OGT: variants seen among roughly 807,000 people sequenced by gnomAD.
The protein encoded by OGT is UDP-N-acetylglucosamine--peptide N-acetylglucosaminyltransferase 110 kDa subunit.
A neutral mutation model predicts 75.8 loss-of-function variants in OGT; 3 were observed. The observed-to-expected ratio is 0.04, with a 90% confidence interval of 0.02 to 0.10. OGT has a LOEUF of 0.10. Ranked by LOEUF, OGT falls within the 10% of genes least tolerant of loss-of-function variation. The probability of loss-of-function intolerance (pLI) is 1.00; values close to 1 mark genes in which losing one functional copy is unlikely to be tolerated. For missense variants in OGT, 260 were observed against 824.4 expected, an observed-to-expected ratio of 0.32 and a Z score of 8.38; for synonymous variants, 257 against 289.7, an observed-to-expected ratio of 0.89 and a Z score of 1.15.
intron 5 of OGT, 113 bp downstream of exon 5, chrX:71,548,136 G>A (rs2040274959): frequency 1.3e-6 from 1 of 745,622 alleles, no homozygotes; most frequent in African/African-American, 2.1e-5. Context: ...TTTCTCTGGC[G>A]GTATAGGCAG....
intron 3 of OGT, among the ~76,000 whole-genome samples, chrX:71,543,812 CAA>C (rs1253400432): frequency 2.1e-5 from 2 of 94,585 alleles, no homozygotes; most frequent in African/African-American, 7.8e-5. Flanking sequence ...TTTTTTGAGA[CAA>C]GAGTCTCTGT....
chrX:71,563,116 A>AT lies in OGT; in HGVS notation c.2149-8dup, dbSNP rs1332812796. On this transcript the variant is annotated splice_polypyrimidine_tract_variant and intron_variant, in intron 16 of 21. Coordinates refer to ENST00000373719, the MANE Select transcript of OGT (RefSeq NM_181672.3). ...AATCCTAAAAGACATGTCTGAAACT[A>AT]TTTTTTCCATTAGAAAAAAGCAGTC... 5 of 1,199,798 alleles carry AT rather than the reference A, an allele frequency of 4.2e-6. No homozygotes were observed. Among genetic ancestry groups the AT allele is most frequent in the Non-Finnish European group, 5.6e-6 (5 of 885,087 alleles).
chrX:71,541,797 T>G (rs763365546), intron 3 of OGT, among the ~76,000 whole-genome samples: 4 of 109,468 alleles, frequency 3.7e-5, no homozygotes, highest in Non-Finnish European at 7.6e-5. Flanking sequence ...TGTATGTACG[T>G]GTCTAGATGT....
chrX:71,535,841 A>T (rs1386620854), intron 1 of OGT, among the ~76,000 whole-genome samples: 2 of 112,135 alleles, frequency 1.8e-5, no homozygotes, highest in Non-Finnish European at 3.8e-5. Context: ...ACTAAGGTAT[A>T]AGGAATAATG....
At chrX:71,563,987 A>G (rs1274355142) in intron 18 of OGT, among the ~76,000 whole-genome samples, 1 of 112,206 alleles carries the variant, frequency 8.9e-6, no homozygotes, top group Non-Finnish European at 1.9e-5. Context: ...CTGTGTTTGT[A>G]TCCTCTACTG....
intron 1 of OGT, among the ~76,000 whole-genome samples, chrX:71,534,609 G>A (rs2040162104): frequency 9.0e-6 from 1 of 110,908 alleles, no homozygotes; most frequent in South Asian, 3.8e-4. Context: ...GTAATTGTAG[G>A]GAGTGGGATT....
chrX:71,573,365 C>T (rs768500709), intron 21 of OGT, among the ~76,000 whole-genome samples: 9 of 111,994 alleles, frequency 8.0e-5, no homozygotes, highest in Non-Finnish European at 1.3e-4. Context: ...AAATGGAGAA[C>T]GCGTGGTATC....
intron 14 of OGT, among the ~76,000 whole-genome samples, chrX:71,560,018 A>T (rs2040370938): frequency 9.0e-6 from 1 of 111,022 alleles, no homozygotes; most frequent in African/African-American, 3.3e-5. Context: ...GTGGTGACTC[A>T]TGCCTGTAAT....
At chrX:71,556,357 C>T in intron 8 of OGT, 1 of 381,586 alleles carries the variant, frequency 2.6e-6, no homozygotes, top group South Asian at 5.8e-5. Flanking sequence ...AGAGAAGTTA[C>T]TTATAAGTAT....
chrX:71,552,339 C>A (rs907125007), intron 5 of OGT, among the ~76,000 whole-genome samples: 1 of 109,894 alleles, frequency 9.1e-6, no homozygotes. Flanking sequence ...TTATATCTGT[C>A]TTATTTGGAT....
intron 2 of OGT, 56 bp from the exon 3 acceptor site, chrX:71,537,773 T>C (rs968357843): frequency 1.2e-5 from 14 of 1,188,814 alleles, no homozygotes; most frequent in Middle Eastern, 4.7e-4. Context: ...ATATGGGCCA[T>C]ACCTTCTTTT....
At chrX:71,564,085 A>G (rs962499579) in intron 18 of OGT, among the ~76,000 whole-genome samples, 1 of 112,312 alleles carries the variant, frequency 8.9e-6, no homozygotes, top group Non-Finnish European at 1.9e-5. Context: ...AAGTAGCTCT[A>G]TCAAGAGAGT....
chrX:71,535,207 G>C (rs1289512711), intron 1 of OGT, among the ~76,000 whole-genome samples: 1 of 108,161 alleles, frequency 9.2e-6, no homozygotes, highest in Admixed American at 9.9e-5. Flanking sequence ...GTCACTTGCA[G>C]CGAAGTGCTT....
chrX:71,560,054 G>A (rs1201447010), intron 14 of OGT, among the ~76,000 whole-genome samples: 1 of 110,264 alleles, frequency 9.1e-6, no homozygotes, highest in East Asian at 2.8e-4. Flanking sequence ...GGTCGAGGCG[G>A]GCAGATCATG....
chrX:71,568,533 A>G (rs1326523121), intron 21 of OGT, among the ~76,000 whole-genome samples: 1 of 112,574 alleles, frequency 8.9e-6, no homozygotes, highest in Non-Finnish European at 1.9e-5. Flanking sequence ...AATGCCAATT[A>G]AAATGGAATT....
At position 71,561,906 on chromosome X, in the gene OGT, C is replaced by T; in HGVS notation, c.1977+6C>T. 1.7e-6 allele frequency: 2 copies of T among 1,187,506 alleles called. No individual in the cohort carries two copies. Among genetic ancestry groups the T allele is most frequent in the Non-Finnish European group, 2.3e-6 (2 of 884,220 alleles). On this transcript the variant is annotated splice_donor_region_variant and intron_variant, in intron 15 of 21. Transcript: ENST00000373719. ...TCAGGCCAGCTCCTATTCAGGTAAA[C>T]AAATTAACAGTCATCACTTATAACA...
In OGT at chrX:71,557,675, G is replaced by C; in HGVS notation, c.1602+3G>C. 8.6e-7 allele frequency: 1 copy of C among 1,168,218 alleles called. No homozygotes were observed. The highest frequency in any genetic ancestry group is 1.1e-6 in the Non-Finnish European group (1 of 873,640). ...ACGGCAACCTGTGCTTAGATAAGGT[G>C]TGATTCTTTTGTTTTAATCTTTTTG... On this transcript the variant is annotated splice_donor_region_variant and intron_variant, in intron 12 of 21. Transcript: ENST00000373719.
chrX:71,543,766 G>GTGTGTATA (rs1454042815), intron 3 of OGT, among the ~76,000 whole-genome samples: 3 of 78,313 alleles, frequency 3.8e-5, no homozygotes, highest in Non-Finnish European at 7.0e-5. Context: ...GTGTGTGTGT[G>GTGTGTATA]TATATATATA....
intron 3 of OGT, among the ~76,000 whole-genome samples, chrX:71,541,058 C>G (rs1293658191): frequency 8.9e-6 from 1 of 111,948 alleles, no homozygotes; most frequent in African/African-American, 3.3e-5. Flanking sequence ...CTAGAGTTGC[C>G]TATACCTGGC....
Sources: allele counts gnomAD v4.1 joint callset (sites outside exome capture counted in the v4.1 genomes callset), GRCh38; gene constraint gnomAD v4.1.1; transcripts MANE v1.5; gene names NCBI Gene and HGNC (gene_info 2026-07-23, HGNC 2026-07-21).